The following FRMD8 variants were observed in gnomAD, a reference collection of about 807,000 sequenced individuals.
FRMD8 encodes FERM domain-containing protein 8.
In FRMD8, 37 loss-of-function variants were observed where a neutral mutation model predicts 54.2. The observed-to-expected ratio is 0.68, with a 90% confidence interval of 0.53 to 0.90. FRMD8 has a LOEUF of 0.90. Ranked by LOEUF, FRMD8 falls within the 40% of genes least tolerant of loss-of-function variation. The pLI is 0.00. For synonymous variants in FRMD8, 246 were observed against 286.9 expected, an observed-to-expected ratio of 0.86 and a Z score of 1.44; for missense variants, 585 against 653.7, an observed-to-expected ratio of 0.89 and a Z score of 1.15.
chr11:65,405,485 G>A (rs1856175622), intron 10 of FRMD8, among the ~76,000 whole-genome samples: 1 of 152,104 alleles, frequency 6.6e-6, no homozygotes, highest in African/African-American at 2.4e-5. Flanking sequence ...GTAGCGAGGT[G>A]TATGGCAGGC....
chr11:65,407,547 G>A (rs890402313), intron 10 of FRMD8, among the ~76,000 whole-genome samples: 14 of 143,662 alleles, frequency 9.7e-5, no homozygotes, highest in Admixed American at 4.8e-4. Context: ...CACCGCACCC[G>A]GCCAGAGATC....
intron 6 of FRMD8, among the ~76,000 whole-genome samples, chr11:65,395,708 T>C (rs1301135936): frequency 6.6e-6 from 1 of 152,184 alleles, no homozygotes; most frequent in African/African-American, 2.4e-5. Context: ...GAGCCTGTGC[T>C]AGTTGTAGGT....
chr11:65,387,173 G>A (rs760339773), intron 2 of FRMD8, 52 bp downstream of exon 2: 2 of 1,404,030 alleles, frequency 1.4e-6, no homozygotes, highest in Non-Finnish European at 2.0e-6. Flanking sequence ...CCCCAGCCCT[G>A]GAGAAGTAGC....
chr11:65,404,721 C>A lies in FRMD8; in HGVS notation c.1072-143C>A, dbSNP rs888225449. ...CACAGTCACCCAAGTGGGACACCTC[C>A]CCTGCCTCCCTGCTCCCTCCCTCCT... On this transcript the variant is annotated intron_variant, in intron 9 of 10. Transcript: ENST00000317568. This position sits in a 1 kb window ranked among gnomAD's most constrained non-coding sequence, Gnocchi z 4.7. 12 of 672,280 alleles carry A rather than the reference C, an allele frequency of 1.8e-5. No homozygotes were observed. The African/African-American group carries it at 2.2e-4, about 12-fold the overall frequency. The allele number at this position is 672,280 out of a possible 1,614,324, so 41.6% of individuals were successfully genotyped here.
intron 4 of FRMD8, 25 bp from the exon 5 acceptor site, chr11:65,394,016 G>C (rs747814906): frequency 2.5e-6 from 4 of 1,613,222 alleles, no homozygotes; most frequent in Non-Finnish European, 2.5e-6. Context: ...GGGATGCCCG[G>C]CAGTGACCCA....
At chr11:65,390,008 T>G (rs1032561874) in intron 3 of FRMD8, among the ~76,000 whole-genome samples, 6 of 152,148 alleles carry the variant, frequency 3.9e-5, no homozygotes, top group African/African-American at 9.7e-5. Context: ...CCGGTCGGCC[T>G]CTTTGAACTG....
chr11:65,369,742 A>C, the FRMD8 span, among the ~76,000 whole-genome samples: 1 of 132,848 alleles, frequency 7.5e-6, no homozygotes, highest in South Asian at 2.4e-4. Flanking sequence ...AAATAAATAA[A>C]TAAAATTAGG....
At chr11:65,380,148 G>C in the FRMD8 span, 1 of 1,614,040 alleles carries the variant, frequency 6.2e-7, no homozygotes, top group Non-Finnish European at 8.5e-7. Context: ...AGTGTCAAAC[G>C]GGTGTCCCAG....
intron 10 of FRMD8, among the ~76,000 whole-genome samples, chr11:65,406,740 G>C (rs547698987): frequency 9.2e-5 from 14 of 152,098 alleles, no homozygotes; most frequent in South Asian, 2.1e-4. Context: ...GGGAGTTCGA[G>C]ACCAGTCTGA....
intron 7 of FRMD8, among the ~76,000 whole-genome samples, chr11:65,398,541 C>G (rs912769704): frequency 6.6e-6 from 1 of 152,196 alleles, no homozygotes; most frequent in African/African-American, 2.4e-5. Context: ...TAGCGCATGC[C>G]CCGCTTGTCC....
intron 3 of FRMD8, among the ~76,000 whole-genome samples, chr11:65,393,163 G>C (rs912833583): frequency 2.6e-5 from 4 of 152,248 alleles, no homozygotes; most frequent in East Asian, 3.9e-4. Context: ...CTCTGCCAGT[G>C]GGGGGGCAAG....
the FRMD8 span, chr11:65,377,385 G>T: frequency 4.9e-6 from 6 of 1,228,218 alleles, no homozygotes; most frequent in East Asian, 8.4e-5. Context: ...GCAGGAGCAG[G>T]TTGGTTTCTG....
intron 2 of FRMD8, among the ~76,000 whole-genome samples, chr11:65,388,427 G>A (rs922490770): frequency 2.0e-5 from 3 of 151,684 alleles, no homozygotes; most frequent in African/African-American, 2.4e-5. Flanking sequence ...ATGAGAAACC[G>A]TGCCCTTCCC....
At chr11:65,382,079 C>T, upstream of FRMD8, 2 of 863,672 alleles carry the variant, frequency 2.3e-6, no homozygotes, top group East Asian at 2.5e-5. This position sits in a 1 kb window ranked among gnomAD's most constrained non-coding sequence, Gnocchi z 4.4. Flanking sequence ...TGAGAATTGG[C>T]CTGGTGCCCA....
chr11:65,379,052 TG>T, the FRMD8 span: 1 of 348,650 alleles, frequency 2.9e-6, no homozygotes, highest in Non-Finnish European at 5.3e-6. Context: ...AAGGTCTCCT[TG>T]GGGAGTGGGC....
intron 10 of FRMD8, among the ~76,000 whole-genome samples, chr11:65,406,859 G>A (rs1440754275): frequency 6.6e-6 from 1 of 151,924 alleles, no homozygotes; most frequent in Non-Finnish European, 1.5e-5. Context: ...AGAATCGCTT[G>A]TACCCAGGAG....
chr11:65,390,110 A>G (rs1456886346), intron 3 of FRMD8, among the ~76,000 whole-genome samples: 1 of 152,080 alleles, frequency 6.6e-6, no homozygotes, highest in African/African-American at 2.4e-5. Flanking sequence ...TGGGAAGAGT[A>G]GAGACTTGAC....
chr11:65,376,091 AAG>A, the FRMD8 span: 2 of 311,330 alleles, frequency 6.4e-6, no homozygotes, highest in East Asian at 1.2e-4. Context: ...AAAAAAAAAA[AAG>A]AGGTGAAGGC....
At chr11:65,389,804 C>T (rs1238775351) in intron 3 of FRMD8, among the ~76,000 whole-genome samples, 2 of 152,050 alleles carry the variant, frequency 1.3e-5, no homozygotes, top group African/African-American at 4.8e-5. Context: ...GGTCCAGGAA[C>T]AGTACCGCAG....
Sources: allele counts gnomAD v4.1 joint callset (sites outside exome capture counted in the v4.1 genomes callset), GRCh38; gene constraint gnomAD v4.1.1; non-coding constraint Gnocchi (gnomAD v3.1); transcripts MANE v1.5; gene names NCBI Gene and HGNC (gene_info 2026-07-23, HGNC 2026-07-21).